The following NRG3 variants were observed in gnomAD, a reference collection of about 807,000 sequenced individuals.
The protein encoded by NRG3 is neuregulin 3, also known as pro-neuregulin-3, membrane-bound isoform.
Under a neutral mutation model 66.9 loss-of-function variants are expected in NRG3, and 31 were observed. The observed-to-expected ratio is 0.46, with a 90% CI of 0.35 to 0.63. The LOEUF is 0.63. Ranked by LOEUF, NRG3 falls within the 20% of genes least tolerant of loss-of-function variation. The pLI, the probability that NRG3 is intolerant of heterozygous loss-of-function variation, is 0.00. For synonymous variants in NRG3, 393 were observed against 359.4 expected, an observed-to-expected ratio of 1.09 and a Z score of -1.06; for missense variants, 910 against 878.9, an observed-to-expected ratio of 1.04 and a Z score of -0.45.
At chr10:82,102,450 T>C (rs946334863) in intron 1 of NRG3, among the ~76,000 whole-genome samples, 7 of 151,532 alleles carry the variant, frequency 4.6e-5, no homozygotes, top group Non-Finnish European at 8.9e-5. Flanking sequence ...AGATCATTTA[T>C]ATACAGTAAT....
chr10:82,366,692 T>G (rs1022616441), intron 2 of NRG3, among the ~76,000 whole-genome samples: 3 of 152,170 alleles, frequency 2.0e-5, no homozygotes, highest in African/African-American at 7.2e-5. Flanking sequence ...TTATTTTTTT[T>G]GCAGAAAAGA....
chr10:82,487,730 GAC>G (rs1842797069), intron 2 of NRG3, among the ~76,000 whole-genome samples: 1 of 152,164 alleles, frequency 6.6e-6, no homozygotes, highest in Non-Finnish European at 1.5e-5. Flanking sequence ...TTTAAGAAAA[GAC>G]AAACAGATCA....
At chr10:82,821,292 C>G (rs927728294) in intron 3 of NRG3, among the ~76,000 whole-genome samples, 3 of 152,140 alleles carry the variant, frequency 2.0e-5, no homozygotes, top group African/African-American at 7.2e-5. Flanking sequence ...GACATCATTT[C>G]CTCTCAACTG....
chr10:82,784,054 C>T (rs1452032537), intron 3 of NRG3, among the ~76,000 whole-genome samples: 8 of 151,758 alleles, frequency 5.3e-5, no homozygotes, highest in Admixed American at 2.6e-4. Context: ...AATAATGCTG[C>T]GTATCTACAA....
chr10:82,701,137 A>C (rs895857594), intron 2 of NRG3, among the ~76,000 whole-genome samples: 1 of 152,118 alleles, frequency 6.6e-6, no homozygotes, highest in African/African-American at 2.4e-5. Flanking sequence ...TATTTTAATC[A>C]TTATAATAAA....
chr10:82,690,276 C>CT (rs10609013), intron 2 of NRG3, among the ~76,000 whole-genome samples: 328 of 146,670 alleles, frequency 2.2e-3, no homozygotes, highest in African/African-American at 6.2e-3. Context: ...GAATTGGCCA[C>CT]TTTTTTTTTT....
At chr10:82,146,622 T>C (rs2070284268) in intron 1 of NRG3, among the ~76,000 whole-genome samples, 1 of 152,094 alleles carries the variant, frequency 6.6e-6, no homozygotes, top group African/African-American at 2.4e-5. Flanking sequence ...GGTCCAATAA[T>C]AATATTGACC....
chr10:82,794,928 A>G (rs577358311), intron 3 of NRG3, among the ~76,000 whole-genome samples: 35 of 152,322 alleles, frequency 2.3e-4, no homozygotes, highest in Admixed American at 9.2e-4. Flanking sequence ...AGGGAAACTA[A>G]GCTCTAACCT....
At chr10:82,667,176 T>C (rs1033917149) in intron 2 of NRG3, among the ~76,000 whole-genome samples, 21 of 152,144 alleles carry the variant, frequency 1.4e-4, no homozygotes, top group African/African-American at 5.1e-4. Context: ...AAACATAACC[T>C]AAAGCCCAAA....
chr10:82,742,506 A>G (rs565981181), intron 3 of NRG3, among the ~76,000 whole-genome samples: 2 of 152,232 alleles, frequency 1.3e-5, no homozygotes, highest in East Asian at 3.9e-4. Context: ...TAATGCACCA[A>G]TCTGTCAGAT....
chr10:82,233,643 T>C (rs1218239201), intron 1 of NRG3, among the ~76,000 whole-genome samples: 1 of 152,036 alleles, frequency 6.6e-6, no homozygotes, highest in East Asian at 1.9e-4. Context: ...CCCCATGAAT[T>C]TTCAGATATG....
chr10:82,245,486 G>T (rs187088307), intron 1 of NRG3, among the ~76,000 whole-genome samples: 1 of 152,288 alleles, frequency 6.6e-6, no homozygotes, highest in Non-Finnish European at 1.5e-5. Flanking sequence ...ATATATGTTG[G>T]TGAAAAGAGC....
intron 6 of NRG3, among the ~76,000 whole-genome samples, chr10:82,970,581 A>AT (rs1442639087): frequency 6.6e-6 from 1 of 151,832 alleles, no homozygotes; most frequent in Admixed American, 6.6e-5. Context: ...GTTGCCTTTC[A>AT]TTTTTTTCCA....
chr10:82,533,598 T>C (rs2132670665), intron 2 of NRG3, among the ~76,000 whole-genome samples: 1 of 152,276 alleles, frequency 6.6e-6, no homozygotes. Flanking sequence ...TTCAACATAA[T>C]GAAGGCCATA....
intron 2 of NRG3, among the ~76,000 whole-genome samples, chr10:82,592,476 T>C (rs1349969070): frequency 2.0e-5 from 3 of 152,204 alleles, no homozygotes; most frequent in Admixed American, 2.0e-4. Context: ...TGGTTTGCCT[T>C]GTGCATAAGA....
At chr10:82,065,804 A>C (rs1171130069) in intron 1 of NRG3, among the ~76,000 whole-genome samples, 1 of 152,202 alleles carries the variant, frequency 6.6e-6, no homozygotes, top group East Asian at 1.9e-4. Context: ...CAATAACCAG[A>C]AAAGATCCTC....
chr10:82,557,986 T>A (rs1351259066), intron 2 of NRG3, among the ~76,000 whole-genome samples: 1 of 151,838 alleles, frequency 6.6e-6, no homozygotes, highest in Admixed American at 6.6e-5. Flanking sequence ...GAAAGAGAGG[T>A]TTGGAACACG....
chr10:82,345,546 G>A (rs1454776983), intron 1 of NRG3, among the ~76,000 whole-genome samples: 1 of 151,572 alleles, frequency 6.6e-6, no homozygotes, highest in Non-Finnish European at 1.5e-5. Context: ...TGGCAATGTG[G>A]GCTCTTTTTT....
At chr10:82,073,671 T>C (rs150338675) in intron 1 of NRG3, among the ~76,000 whole-genome samples, 82 of 152,310 alleles carry the variant, frequency 5.4e-4, no homozygotes, top group African/African-American at 1.8e-3. Flanking sequence ...ATTTATCTGG[T>C]GTCTTCCATA....
Sources: allele counts gnomAD v4.1 joint callset (sites outside exome capture counted in the v4.1 genomes callset), GRCh38; gene constraint gnomAD v4.1.1; transcripts MANE v1.5; gene names NCBI Gene and HGNC (gene_info 2026-07-23, HGNC 2026-07-21).